FAM171B: variants seen among roughly 807,000 people sequenced by gnomAD.
The protein encoded by FAM171B is protein FAM171B.
Under a neutral mutation model 75.6 loss-of-function variants are expected in FAM171B, and 19 were observed. The ratio of observed to expected loss-of-function variants is 0.25; its 90% confidence interval spans 0.18 to 0.37. FAM171B has a LOEUF of 0.37. Among genes scored for constraint, FAM171B ranks in the 10% least tolerant of loss-of-function variants. FAM171B has a pLI of 1.00. For missense variants in FAM171B, 848 were observed against 982.4 expected (o/e 0.86, Z 1.83); for synonymous variants, 367 against 361.7 (o/e 1.01, Z -0.17).
At chr2:186,720,476 C>CA (rs1313047635) in intron 1 of FAM171B, among the ~76,000 whole-genome samples, 2 of 152,070 alleles carry the variant, frequency 1.3e-5, no homozygotes, top group Admixed American at 1.3e-4. Context: ...TCAATATTAA[C>CA]AATTTGGTGA....
chr2:186,761,735 G>T lies in FAM171B; in HGVS notation c.1393G>T (p.Glu465Ter). Residue 465 changes from glutamate (E) to a stop codon, truncating the protein, a stop_gained, in exon 8 of 8, where the codon GAA (glutamate) becomes TAA (stop). Transcript: ENST00000304698. LOFTEE classifies it high-confidence loss of function. ...KTRDDFKIYN[E>*]DVSFLSVNQN... Reference sequence around the variant, plus strand: ...TCGGGACGATTTTAAAATCTACAATGAAGATGTTTCATTTCTATCAGTCAA... The same window carrying T: ...TCGGGACGATTTTAAAATCTACAATTAAGATGTTTCATTTCTATCAGTCAA... The T allele has an allele frequency of 6.2e-7, 1 of 1,613,444 alleles. No individual in the cohort carries two copies. Among genetic ancestry groups the T allele is most frequent in the Non-Finnish European group, 8.5e-7 (1 of 1,179,694 alleles).
Position 186,763,325 on chromosome 2 carries a change from C to G in FAM171B, c.*502C>G, listed in dbSNP as rs1157556329. ...TGGACTGATGTTACTCTGGAGTTAT[C>G]ACAAAGAAAATGTTGTTTGGTCTTT... On this transcript the variant is annotated 3_prime_UTR_variant, in exon 8 of 8. Transcript: ENST00000304698. 1 of 153,654 alleles carries G rather than the reference C, an allele frequency of 6.5e-6. No homozygotes were observed. Among genetic ancestry groups the G allele is most frequent in the Non-Finnish European group, 1.4e-5 (1 of 69,222 alleles). 9.5% of individuals were successfully genotyped at this position (153,654 alleles called of 1,614,324 possible). A position where few individuals can be genotyped will look rare whatever the true frequency, so the allele number is the denominator to read the frequency against.
intron 1 of FAM171B, among the ~76,000 whole-genome samples, chr2:186,709,679 T>C (rs937149218): frequency 6.6e-6 from 1 of 152,132 alleles, no homozygotes; most frequent in Non-Finnish European, 1.5e-5. Flanking sequence ...TCCTATAACC[T>C]CTCTTTCCCA....
At chr2:186,743,023 A>G (rs76601320) in intron 2 of FAM171B, among the ~76,000 whole-genome samples, 163 of 152,330 alleles carry the variant, frequency 1.1e-3, no homozygotes, top group African/African-American at 3.8e-3. Flanking sequence ...TGTTTGCAGA[A>G]GAGCATTGTG....
At chr2:186,704,503 A>C (rs1689708026) in intron 1 of FAM171B, among the ~76,000 whole-genome samples, 1 of 152,010 alleles carries the variant, frequency 6.6e-6, no homozygotes, top group Non-Finnish European at 1.5e-5. Context: ...CGAGCTAGAA[A>C]CTCTTAAAAG....
intron 3 of FAM171B, among the ~76,000 whole-genome samples, chr2:186,744,391 T>C (rs1199077930): frequency 6.6e-6 from 1 of 152,208 alleles, no homozygotes; most frequent in Non-Finnish European, 1.5e-5. Context: ...TCCTAAAATA[T>C]TCAACCAGAA....
chr2:186,706,476 A>G (rs1689734860), intron 1 of FAM171B, among the ~76,000 whole-genome samples: 1 of 152,220 alleles, frequency 6.6e-6, no homozygotes, highest in Non-Finnish European at 1.5e-5. Context: ...GAATTTCTGT[A>G]CTTTGAGCAC....
intron 1 of FAM171B, among the ~76,000 whole-genome samples, chr2:186,702,084 AGTCCTGC>A (rs1689670135): frequency 6.6e-6 from 1 of 152,224 alleles, no homozygotes; most frequent in Non-Finnish European, 1.5e-5. Flanking sequence ...CATGAAATGC[AGTCCTGC>A]ATTATTGAAC....
chr2:186,762,926 G>T lies in FAM171B; in HGVS notation c.*103G>T, dbSNP rs1690644729. 2.9e-6 allele frequency: 4 copies of T among 1,361,572 alleles called. No homozygotes were observed. The highest frequency in any genetic ancestry group is 1.5e-5 in the African/African-American group (1 of 68,620). 84.3% of individuals were successfully genotyped at this position (1,361,572 alleles called of 1,614,324 possible). ...GAAAATGAGACTGAGCAATCTCATGGTTCTTGGACATGTCTCAAGCAGAGT... is the reference window on the plus strand; with the variant it reads ...GAAAATGAGACTGAGCAATCTCATGTTTCTTGGACATGTCTCAAGCAGAGT... On this transcript the variant is annotated 3_prime_UTR_variant, in exon 8 of 8. Coordinates refer to ENST00000304698, the MANE Select transcript of FAM171B (RefSeq NM_177454.4). This position sits in a 1 kb window ranked among gnomAD's most constrained non-coding sequence, Gnocchi z 4.0.
chr2:186,763,244 A>G lies in FAM171B; in HGVS notation c.*421A>G, dbSNP rs1236148972. The G allele has an allele frequency of 6.2e-6, 1 of 162,120 alleles. No individual in the cohort carries two copies. Among genetic ancestry groups the G allele is most frequent in the Non-Finnish European group, 1.3e-5 (1 of 74,238 alleles). 10.0% of individuals were successfully genotyped at this position (162,120 alleles called of 1,614,324 possible). A position where few individuals can be genotyped will look rare whatever the true frequency, so the allele number is the denominator to read the frequency against. ...TGACTTCAGGCATCATATTATTTTA[A>G]ATGTTACTATTACGTCTTCTTCTGC... On this transcript the variant is annotated 3_prime_UTR_variant, in exon 8 of 8. Transcript: ENST00000304698.
At chr2:186,731,768 A>G (rs1282342888) in intron 1 of FAM171B, among the ~76,000 whole-genome samples, 1 of 152,122 alleles carries the variant, frequency 6.6e-6, no homozygotes, top group Non-Finnish European at 1.5e-5. Context: ...GCCATTCCCC[A>G]TCACTCACAT....
intron 1 of FAM171B, among the ~76,000 whole-genome samples, chr2:186,724,852 G>T (rs1340988006): frequency 6.6e-6 from 1 of 152,202 alleles, no homozygotes; most frequent in African/African-American, 2.4e-5. Flanking sequence ...GCTCAGAGAT[G>T]CAGTGGGCTC....
Position 186,737,758 on chromosome 2 carries a change from T to G in FAM171B, c.239-2470T>G, listed in dbSNP as rs185761877. Among the ~76,000 whole-genome samples, 34 of 152,302 alleles carry G rather than the reference T, an allele frequency of 2.2e-4. 1 individual carries two copies. The highest frequency in any genetic ancestry group is 1.5e-3 in the East Asian group (8 of 5,190). On this transcript the variant is annotated intron_variant, in intron 1 of 7. Coordinates refer to ENST00000304698, the MANE Select transcript of FAM171B (RefSeq NM_177454.4). ...CTGCTTTCCAGACAACAGAAAAAAATAAAAGAGCTAGCCATGCAGTAGTGG... is the reference window on the plus strand; with the variant it reads ...CTGCTTTCCAGACAACAGAAAAAAAGAAAAGAGCTAGCCATGCAGTAGTGG...
Position 186,755,254 on chromosome 2 carries a change from T to C in FAM171B, c.1012+1205T>C, listed in dbSNP as rs112867605. 8.8e-3 allele frequency among the ~76,000 whole-genome samples: 1,335 copies of C among 152,226 alleles called. 23 individuals carry two copies. Among genetic ancestry groups the C allele is most frequent in the African/African-American group, 0.031 (1,269 of 41,524 alleles). ...CTTTTCAGTATGTGTTGGCATAAAA[T>C]CAAATTGCTTCTTGGCTTTCCCTAC... On this transcript the variant is annotated intron_variant, in intron 6 of 7. Transcript: ENST00000304698.
intron 2 of FAM171B, among the ~76,000 whole-genome samples, chr2:186,741,531 C>G (rs1406343285): frequency 2.0e-5 from 3 of 151,956 alleles, no homozygotes; most frequent in Non-Finnish European, 2.9e-5. Context: ...AAATCATGGC[C>G]TATCAATTTT....
At chr2:186,753,457 A>G (rs1214291043) in intron 5 of FAM171B, among the ~76,000 whole-genome samples, 1 of 152,254 alleles carries the variant, frequency 6.6e-6, no homozygotes, top group Non-Finnish European at 1.5e-5. Flanking sequence ...AAAACTCACA[A>G]AATTAATAGA....
chr2:186,763,188 G>A lies in FAM171B; in HGVS notation c.*365G>A, dbSNP rs1270309466. 15 of 176,034 alleles carry A rather than the reference G, an allele frequency of 8.5e-5. No homozygotes were observed. Among genetic ancestry groups the A allele is most frequent in the Non-Finnish European group, 1.8e-4 (15 of 83,262 alleles). 10.9% of individuals were successfully genotyped at this position (176,034 alleles called of 1,614,324 possible). ...CCAAAAATGTTGCCTCTACCATGGT[G>A]ACTACCCCATGGAACATTTAGAAAC... On this transcript the variant is annotated 3_prime_UTR_variant, in exon 8 of 8. Transcript: ENST00000304698.
Position 186,751,169 on chromosome 2 carries a change from A to G in FAM171B, c.760A>G (p.Ile254Val), listed in dbSNP as rs758704299. ...CATTGAATTGACTCCTCTTGCTGCA[A>G]TATGTGTGAAAATATATTCTGGAGG... ...ENIELTPLAA[I>V]CVKIYSGGKE... The change falls in exon 5 of 8, where the codon ATA (isoleucine) becomes GTA (valine). Residue 254 changes from isoleucine (I) to valine (V), a missense_variant. Physicochemically the swap from Ile to Val is conservative, Grantham distance 29 (BLOSUM62 3). This residue lies in a region of FAM171B where 665 missense variants were observed against 729.0 expected (regional missense o/e 0.91). Transcript: ENST00000304698. 1.2e-6 allele frequency: 2 copies of G among 1,609,130 alleles called. No homozygotes were observed. Among genetic ancestry groups the G allele is most frequent in the East Asian group, 4.5e-5 (2 of 44,782 alleles).
chr2:186,764,032 C>G lies in FAM171B; in HGVS notation c.*1209C>G, dbSNP rs1377760161. On this transcript the variant is annotated 3_prime_UTR_variant, in exon 8 of 8. Coordinates refer to ENST00000304698, the MANE Select transcript of FAM171B (RefSeq NM_177454.4). ...TCTATGTTCTTTTCATTATAGCAAGCATTCAATGTGAACAACTTTTTAATT... is the reference window on the plus strand; with the variant it reads ...TCTATGTTCTTTTCATTATAGCAAGGATTCAATGTGAACAACTTTTTAATT... The G allele has an allele frequency of 2.0e-5, 3 of 152,060 alleles. No individual in the cohort carries two copies. Among genetic ancestry groups the G allele is most frequent in the South Asian group, 2.1e-4 (1 of 4,822 alleles). The allele number at this position is 152,060 out of a possible 1,614,324, so 9.4% of individuals were successfully genotyped here.
Sources: allele counts gnomAD v4.1 joint callset (sites outside exome capture counted in the v4.1 genomes callset), GRCh38; gene constraint gnomAD v4.1.1; regional missense constraint gnomAD v4.1.1; non-coding constraint Gnocchi (gnomAD v3.1); transcripts MANE v1.5; gene names NCBI Gene and HGNC (gene_info 2026-07-23, HGNC 2026-07-21).